Variants in PCDHA1 observed in about 807,000 individuals in gnomAD.
PCDHA1 encodes the protein protocadherin alpha-1.
PCDHA1 carries 42 observed loss-of-function variants against 61.3 expected under a neutral mutation model. The ratio of observed to expected loss-of-function variants is 0.69; its 90% confidence interval spans 0.54 to 0.89. The LOEUF (loss-of-function observed/expected upper bound fraction) is 0.89, where lower values mean the gene tolerates loss of function less well. PCDHA1 is among the 40% of genes least tolerant of loss of function. The pLI, the probability that PCDHA1 is intolerant of heterozygous loss-of-function variation, is 0.00. For synonymous variants in PCDHA1, 610 were observed against 553.8 expected (o/e 1.10, Z -1.43); for missense variants, 1,256 against 1,235.3 (o/e 1.02, Z -0.25).
At chr5:140,861,501 C>A in intron 1 of PCDHA1, 1 of 480,612 alleles carries the variant, frequency 2.1e-6, no homozygotes, top group South Asian at 1.6e-5. Flanking sequence ...TCTGATAGAC[C>A]TCGAGGAGCT....
intron 1 of PCDHA1, chr5:140,836,111 A>C: frequency 1.2e-6 from 2 of 1,613,698 alleles, no homozygotes; most frequent in South Asian, 2.2e-5. Flanking sequence ...CTGGTGGCGC[A>C]GTGAGAGAGC....
At chr5:140,862,364 C>T in intron 1 of PCDHA1, 1 of 339,652 alleles carries the variant, frequency 2.9e-6, no homozygotes, top group Non-Finnish European at 5.8e-6. Flanking sequence ...ACAGACGACC[C>T]GCACCCTGAC....
chr5:140,966,800 G>T, intron 1 of PCDHA1: 1 of 1,540,654 alleles, frequency 6.5e-7, no homozygotes, highest in East Asian at 2.4e-5. Flanking sequence ...TGCGGCGACA[G>T]AGCATCCACG....
At chr5:140,828,464 G>A (rs1554131324) in intron 1 of PCDHA1, 2 of 1,614,262 alleles carry the variant, frequency 1.2e-6, no homozygotes, top group Non-Finnish European at 1.7e-6. Context: ...GGAGGTGAGG[G>A]ACATTAACGA....
chr5:140,802,511 G>C (rs782757445), intron 1 of PCDHA1: 3 of 1,614,068 alleles, frequency 1.9e-6, no homozygotes, highest in African/African-American at 2.7e-5. Context: ...TGTGGGCCAC[G>C]GCCAGCGTGT....
At chr5:140,929,417 T>C in intron 1 of PCDHA1, 2 of 1,503,568 alleles carry the variant, frequency 1.3e-6, no homozygotes, top group Non-Finnish European at 1.8e-6. Context: ...TTTCACAACA[T>C]TTCATCAATT....
At position 140,842,992 on chromosome 5, in the gene PCDHA1, C is replaced by G. The variant is rs144435690; in HGVS notation, c.2394+54308C>G. On this transcript the variant is annotated intron_variant, in intron 1 of 3. Coordinates refer to ENST00000504120, the MANE Select transcript of PCDHA1 (RefSeq NM_018900.4). The stretch of plus-strand genomic sequence containing the variant: ...TGACGCTGCAGGTGTTCGTGCTGGA[C>G]GAGAATGACAACGCGCCGGCACTGC... 42 of 1,594,970 alleles carry G rather than the reference C, an allele frequency of 2.6e-5. 1 individual carries two copies. In the African/African-American group the frequency reaches 5.2e-4, roughly 20 times the overall value.
chr5:140,822,930 C>T, intron 1 of PCDHA1: 10 of 1,614,266 alleles, frequency 6.2e-6, no homozygotes, highest in Non-Finnish European at 7.6e-6. Flanking sequence ...GGCAGGTGAC[C>T]TGCTCCCTAA....
At chr5:140,944,060 T>G in intron 1 of PCDHA1, among the ~76,000 whole-genome samples, 1 of 152,204 alleles carries the variant, frequency 6.6e-6, no homozygotes, top group Non-Finnish European at 1.5e-5. Flanking sequence ...ACAAAAAGGT[T>G]TCTTGTTAAA....
Position 140,830,125 on chromosome 5 carries a change from G to C in PCDHA1, c.2394+41441G>C, listed in dbSNP as rs2150181468. ...TGGAGAGTGGCCAGGCTCCAAAGGC[G>C]TCATCACGGGCGTCGGTGGGCGCCG... On this transcript the variant is annotated intron_variant, in intron 1 of 3. Coordinates refer to ENST00000504120, the MANE Select transcript of PCDHA1 (RefSeq NM_018900.4). 3.9e-5 allele frequency: 63 copies of C among 1,613,452 alleles called. No individual in the cohort carries two copies. In the South Asian group the frequency reaches 6.7e-4, roughly 17 times the overall value.
chr5:140,884,479 C>T, intron 1 of PCDHA1: 1 of 1,613,914 alleles, frequency 6.2e-7, no homozygotes, highest in Non-Finnish European at 8.5e-7. Context: ...CGGGCAAGCC[C>T]ACTCTAGTGT....
intron 1 of PCDHA1, among the ~76,000 whole-genome samples, chr5:140,951,543 C>G (rs246041): frequency 0.56 from 85,284 of 151,440 alleles, 24,613 homozygotes; most frequent in African/African-American, 0.69. Flanking sequence ...GAGCAAGGGA[C>G]GGGGGGAAGT....
chr5:141,002,614 T>C (rs2098088159), intron 3 of PCDHA1, among the ~76,000 whole-genome samples: 1 of 152,130 alleles, frequency 6.6e-6, no homozygotes, highest in Non-Finnish European at 1.5e-5. Context: ...AACAGACACA[T>C]AACACAGACA....
At chr5:140,889,009 C>T (rs1030437186) in intron 1 of PCDHA1, among the ~76,000 whole-genome samples, 7 of 152,128 alleles carry the variant, frequency 4.6e-5, no homozygotes, top group Admixed American at 1.3e-4. Flanking sequence ...GCAAACCAAC[C>T]TCTACTTCCT....
chr5:140,858,585 T>C, intron 1 of PCDHA1: 1 of 1,345,266 alleles, frequency 7.4e-7, no homozygotes, highest in Non-Finnish European at 1.0e-6. Context: ...GTAATATAAT[T>C]TATTCCAGGA....
rs116326633 is a variant in PCDHA1 at position 141,003,488 on chromosome 5, G to A, written c.2543-6139G>A. Reference sequence around the variant, plus strand: ...CACCACAGTCTCGCTAATTTTTATAGTTTTAGTAGAGATGGGGTTTCACCA... The same window carrying A: ...CACCACAGTCTCGCTAATTTTTATAATTTTAGTAGAGATGGGGTTTCACCA... On this transcript the variant is annotated intron_variant, in intron 3 of 3. Transcript: ENST00000504120. 8.1e-3 allele frequency among the ~76,000 whole-genome samples: 1,225 copies of A among 152,062 alleles called. 19 individuals are homozygous for A. The highest frequency in any genetic ancestry group is 0.028 in the African/African-American group (1,155 of 41,502).
chr5:140,876,051 A>G, intron 1 of PCDHA1: 2 of 1,613,956 alleles, frequency 1.2e-6, no homozygotes, highest in African/African-American at 2.7e-5. Flanking sequence ...TATTGCCTGA[A>G]TTAGTTCTTC....
At chr5:140,943,796 C>T (rs2093568961) in intron 1 of PCDHA1, among the ~76,000 whole-genome samples, 1 of 152,032 alleles carries the variant, frequency 6.6e-6, no homozygotes, top group Non-Finnish European at 1.5e-5. Flanking sequence ...TTATGCAAAG[C>T]AAAAGAGGAA....
chr5:141,000,416 TATA>T lies in PCDHA1; in HGVS notation c.2543-9210_2543-9208del, dbSNP rs1254571264. Among the ~76,000 whole-genome samples the T allele has an allele frequency of 5.1e-3, 472 of 93,246 alleles. 2 individuals carry two copies. Among genetic ancestry groups the T allele is most frequent in the Non-Finnish European group, 6.8e-3 (330 of 48,634 alleles). 61.2% of individuals were successfully genotyped at this position (93,246 alleles called of 152,430 possible). On this transcript the variant is annotated intron_variant, in intron 3 of 3. Transcript: ENST00000504120. ...CTCTCTATATATATATATATATATA[TATA>T]TATTTTTTTTTTTTTTTTTTTTTTT...
Sources: gnomAD v4.1 joint callset for allele counts (sites outside exome capture counted in the v4.1 genomes callset) on GRCh38, gnomAD v4.1.1 for gene constraint, MANE v1.5 for transcripts, NCBI Gene and HGNC (gene_info 2026-07-23, HGNC 2026-07-21) for gene names.